Variants in SGCZ observed in about 807,000 individuals in gnomAD.
SGCZ encodes the protein sarcoglycan zeta.
In SGCZ, 40 loss-of-function variants were observed where a neutral mutation model predicts 41.3. The ratio of observed to expected loss-of-function variants is 0.97; its 90% CI spans 0.75 to 1.26. SGCZ has a LOEUF of 1.26. Among genes scored for constraint, SGCZ ranks in the 50% most tolerant of loss-of-function variants. SGCZ has a pLI of 0.00. For missense variants in SGCZ, 552 were observed against 369.8 expected (o/e 1.49, Z -4.04); for synonymous variants, 206 against 137.5 (o/e 1.50, Z -3.49).
chr8:15,236,870 C>A (rs957373152), intron 1 of SGCZ, among the ~76,000 whole-genome samples: 18 of 152,200 alleles, frequency 1.2e-4, no homozygotes, highest in African/African-American at 4.1e-4. Context: ...GCCGGAGCCT[C>A]CGCAGATGCC....
chr8:14,418,151 G>C (rs763533130), intron 2 of SGCZ, among the ~76,000 whole-genome samples: 3 of 151,826 alleles, frequency 2.0e-5, no homozygotes, highest in Non-Finnish European at 2.9e-5. Context: ...GGAAAGTTCT[G>C]GGAGAAATTT....
In SGCZ at chr8:14,108,199, G is replaced by A. The variant is rs372855106; in HGVS notation, c.584C>T (p.Thr195Met). 7.4e-6 allele frequency: 12 copies of A among 1,613,976 alleles called. No homozygotes were observed. The highest frequency in any genetic ancestry group is 1.7e-5 in the Admixed American group (1 of 59,990). Residue 195 changes from threonine to methionine, a missense_variant, in exon 6 of 8, where the codon ACG (threonine) becomes ATG (methionine). Coordinates refer to ENST00000382080, the MANE Select transcript of SGCZ (RefSeq NM_139167.4). Reference sequence around the variant, plus strand: ...GGATGGCTCTGCTCTGATGTGCGGCGTCTCCACAGAGTGCCCAAATACGGC... The same window carrying A: ...GGATGGCTCTGCTCTGATGTGCGGCATCTCCACAGAGTGCCCAAATACGGC... ...EGAVFGHSVE[T>M]PHIRAEPSQD...
chr8:14,551,530 TATAA>T (rs1803839782), intron 2 of SGCZ, among the ~76,000 whole-genome samples: 1 of 4,006 alleles, frequency 2.5e-4, no homozygotes. Flanking sequence ...ATATAATATA[TATAA>T]TATATATAAT....
intron 1 of SGCZ, among the ~76,000 whole-genome samples, chr8:15,231,257 T>C (rs1393809172): frequency 6.6e-6 from 1 of 152,196 alleles, no homozygotes; most frequent in African/African-American, 2.4e-5. Flanking sequence ...AAAGGTTTCA[T>C]ATGTCAACTT....
At chr8:14,798,319 G>A (rs964637375) in intron 1 of SGCZ, among the ~76,000 whole-genome samples, 3 of 151,966 alleles carry the variant, frequency 2.0e-5, no homozygotes, top group South Asian at 2.1e-4. Flanking sequence ...CTCTCCCCAC[G>A]GTTACCACTT....
At chr8:14,455,846 G>A (rs1000395885) in intron 2 of SGCZ, among the ~76,000 whole-genome samples, 4 of 152,146 alleles carry the variant, frequency 2.6e-5, no homozygotes, top group African/African-American at 9.7e-5. Flanking sequence ...ACAAAGTAAA[G>A]TACAAAAGAG....
chr8:14,402,874 T>C (rs1799115896), intron 2 of SGCZ, among the ~76,000 whole-genome samples: 1 of 149,886 alleles, frequency 6.7e-6, no homozygotes, highest in Non-Finnish European at 1.5e-5. Context: ...GTAAATCACC[T>C]TGGGCAGTAT....
intron 1 of SGCZ, among the ~76,000 whole-genome samples, chr8:14,960,731 G>A (rs1585414682): frequency 6.6e-6 from 1 of 151,964 alleles, no homozygotes; most frequent in South Asian, 2.1e-4. Flanking sequence ...TGAAGAAATA[G>A]CCAAAGAAGC....
intron 1 of SGCZ, among the ~76,000 whole-genome samples, chr8:14,843,927 A>G (rs974480334): frequency 6.6e-6 from 1 of 151,884 alleles, no homozygotes; most frequent in Admixed American, 6.6e-5. Flanking sequence ...CTATGCCTGA[A>G]ATAAGAAAAA....
chr8:14,550,103 C>T lies in SGCZ; in HGVS notation c.234+4629G>A, dbSNP rs545663607. Among the ~76,000 whole-genome samples, 18 of 151,898 alleles carry T rather than the reference C, an allele frequency of 1.2e-4. No individual in the cohort carries two copies. The East Asian group carries it at 3.5e-3, about 29-fold the overall frequency. ...ACCAACACCGACATACAAGAAAATT[C>T]GTAAGATCATTGGTTGTGATAGCAA... On this transcript the variant is annotated intron_variant, in intron 2 of 7. Transcript: ENST00000382080.
chr8:14,380,941 C>G (rs191479604), intron 2 of SGCZ, among the ~76,000 whole-genome samples: 1 of 152,130 alleles, frequency 6.6e-6, no homozygotes, highest in African/African-American at 2.4e-5. Context: ...TTCCAATATC[C>G]TGAGATAACC....
intron 1 of SGCZ, among the ~76,000 whole-genome samples, chr8:14,965,170 G>A (rs1194184077): frequency 2.6e-5 from 4 of 152,066 alleles, no homozygotes; most frequent in Non-Finnish European, 5.9e-5. Flanking sequence ...GCCATAGTTC[G>A]CAGAACTCAA....
intron 1 of SGCZ, among the ~76,000 whole-genome samples, chr8:14,577,471 C>A (rs1391541702): frequency 6.7e-6 from 1 of 150,164 alleles, no homozygotes; most frequent in South Asian, 2.1e-4. Context: ...TCACTGCAAC[C>A]TCTGCCTCCC....
At chr8:14,639,795 A>G (rs1390686304) in intron 1 of SGCZ, among the ~76,000 whole-genome samples, 1 of 151,296 alleles carries the variant, frequency 6.6e-6, no homozygotes, top group African/African-American at 2.4e-5. Context: ...TTTTTTCTTG[A>G]TACAGGATAA....
At chr8:14,718,474 T>A (rs1307152924) in intron 1 of SGCZ, among the ~76,000 whole-genome samples, 1 of 152,052 alleles carries the variant, frequency 6.6e-6, no homozygotes, top group African/African-American at 2.4e-5. Context: ...ATCAACTAAG[T>A]AAACGTCCCA....
chr8:14,153,625 G>A (rs77662380), intron 5 of SGCZ, among the ~76,000 whole-genome samples: 1,575 of 152,188 alleles, frequency 0.01, 9 homozygotes, highest in Non-Finnish European at 0.018. Flanking sequence ...AGGTACTACA[G>A]TCTTCCATTG....
chr8:14,784,940 T>C (rs1223959114), intron 1 of SGCZ, among the ~76,000 whole-genome samples: 2 of 123,364 alleles, frequency 1.6e-5, no homozygotes, highest in Admixed American at 9.1e-5. Context: ...ATATAAAATA[T>C]ATATATTTTT....
chr8:14,953,510 CA>C (rs1284289166), intron 1 of SGCZ, among the ~76,000 whole-genome samples: 5 of 152,092 alleles, frequency 3.3e-5, no homozygotes, highest in African/African-American at 1.2e-4. Context: ...AGAAAACATC[CA>C]AAGATGTAGT....
In SGCZ at chr8:14,301,060, A is replaced by AATCATCATCATC. The variant is rs58825148; in HGVS notation, c.336+23031_336+23042dup. Reference sequence around the variant, plus strand: ...GAGAATTGACTTAGAAACACAAGAAAATCATCATCATCATCATCATCATCA... The same window carrying AATCATCATCATC: ...GAGAATTGACTTAGAAACACAAGAAAATCATCATCATCATCATCATCATCATCATCATCATCA... On this transcript the variant is annotated intron_variant, in intron 3 of 7. Coordinates refer to ENST00000382080, the MANE Select transcript of SGCZ (RefSeq NM_139167.4). Among the ~76,000 whole-genome samples, 1,167 of 148,012 alleles carry AATCATCATCATC rather than the reference A, an allele frequency of 7.9e-3. 20 individuals are homozygous for AATCATCATCATC. The highest frequency in any genetic ancestry group is 0.034 in the East Asian group (170 of 5,004).
Sources: allele counts gnomAD v4.1 joint callset (sites outside exome capture counted in the v4.1 genomes callset), GRCh38; gene constraint gnomAD v4.1.1; transcripts MANE v1.5; gene names NCBI Gene and HGNC (gene_info 2026-07-23, HGNC 2026-07-21).